The following CDC42EP2 variants were observed in gnomAD, a reference collection of about 807,000 sequenced individuals.
CDC42EP2 encodes the protein CDC42 effector protein (Rho GTPase binding) 2.
Under a neutral mutation model 7.3 loss-of-function variants are expected in CDC42EP2, and 5 were observed. The observed-to-expected ratio is 0.68, with a 90% CI of 0.36 to 1.44. The LOEUF (loss-of-function observed/expected upper bound fraction) is 1.44. Among genes scored for constraint, CDC42EP2 ranks in the 40% most tolerant of loss-of-function variants. CDC42EP2 has a pLI of 0.04. For synonymous variants in CDC42EP2, 113 were observed against 123.6 expected (o/e 0.91, Z 0.57); for missense variants, 251 against 282.6 (o/e 0.89, Z 0.80).
At position 65,321,186 on chromosome 11, in the gene CDC42EP2, C is replaced by A. The variant is rs1949972670; in HGVS notation, c.288C>A (p.Leu96=). 6.2e-7 allele frequency: 1 copy of A among 1,613,964 alleles called. No homozygotes were observed. Among genetic ancestry groups the A allele is most frequent in the South Asian group, 1.1e-5 (1 of 91,068 alleles). ...CCGCCACCGTGTGTGGGCGGGAGCT[C>A]CCGGACGGCCCATCCCCTCTGCTCA... is the stretch of plus-strand genomic sequence containing the variant. ...TRTATVCGRE[L]PDGPSPLLKN... The change falls in exon 2 of 2, where the codon CTC becomes CTA. Residue 96 remains leucine, a synonymous_variant. Coordinates refer to ENST00000279249, the MANE Select transcript of CDC42EP2 (RefSeq NM_006779.4). This position sits in a 1 kb window ranked among gnomAD's most constrained non-coding sequence, Gnocchi z 4.4.
At position 65,320,858 on chromosome 11, in the gene CDC42EP2, C is replaced by G. The variant is rs374784454; in HGVS notation, c.-41C>G. 2 of 1,556,462 alleles carry G rather than the reference C, an allele frequency of 1.3e-6. No homozygotes were observed. Among genetic ancestry groups the G allele is most frequent in the Admixed American group, 1.8e-5 (1 of 56,640 alleles). ...GGAGAGGAGGTGTGGTCTCAGCAGG[C>G]GGCCCGTAGCCTCACAGCCAGGCCT... On this transcript the variant is annotated 5_prime_UTR_variant, in exon 2 of 2. Transcript: ENST00000279249.
intron 1 of CDC42EP2, among the ~76,000 whole-genome samples, chr11:65,319,398 G>A (rs1017920376): frequency 5.3e-5 from 8 of 152,098 alleles, no homozygotes; most frequent in Non-Finnish European, 7.4e-5. Flanking sequence ...AAAGTGCTGC[G>A]ATTACAGGTG....
Position 65,320,871 on chromosome 11 carries a change from C to G in CDC42EP2, c.-28C>G. 1.3e-6 allele frequency: 2 copies of G among 1,574,160 alleles called. No individual in the cohort carries two copies. The highest frequency in any genetic ancestry group is 8.7e-7 in the Non-Finnish European group (1 of 1,154,472). On this transcript the variant is annotated 5_prime_UTR_variant, in exon 2 of 2. Transcript: ENST00000279249. ...GGTCTCAGCAGGCGGCCCGTAGCCT[C>G]ACAGCCAGGCCTGGTGGTGAGGTCA...
intron 1 of CDC42EP2, among the ~76,000 whole-genome samples, chr11:65,318,318 G>A (rs1391933638): frequency 1.3e-5 from 2 of 151,376 alleles, no homozygotes; most frequent in African/African-American, 2.4e-5. Flanking sequence ...GCAGTGGCGC[G>A]ATCTAGGCCC....
chr11:65,319,594 G>A (rs1279407905), intron 1 of CDC42EP2, among the ~76,000 whole-genome samples: 1 of 152,162 alleles, frequency 6.6e-6, no homozygotes, highest in Non-Finnish European at 1.5e-5. Context: ...GCCAGGGTAG[G>A]GAGGAAGGCC....
chr11:65,320,345 C>T (rs1036034508), intron 1 of CDC42EP2, among the ~76,000 whole-genome samples, 199 bp from the exon 2 acceptor site: 1 of 152,080 alleles, frequency 6.6e-6, no homozygotes, highest in African/African-American at 2.4e-5. Context: ...GTGACACGTG[C>T]CTGTAGTCCC....
Position 65,321,553 on chromosome 11 carries a change from G to C in CDC42EP2, c.*22G>C. Reference sequence around the variant, plus strand: ...ATAGGACACGAGGCTGCCTAGGCTGGGGTCCCAGGTGGGGCCCAGCCAGGA... The same window carrying C: ...ATAGGACACGAGGCTGCCTAGGCTGCGGTCCCAGGTGGGGCCCAGCCAGGA... On this transcript the variant is annotated 3_prime_UTR_variant, in exon 2 of 2. Coordinates refer to ENST00000279249, the MANE Select transcript of CDC42EP2 (RefSeq NM_006779.4). The surrounding 1 kb of genome is among the most constrained non-coding windows in gnomAD (Gnocchi z 4.4). 1 of 1,571,644 alleles carries C rather than the reference G, an allele frequency of 6.4e-7. No homozygotes were observed. Among genetic ancestry groups the C allele is most frequent in the Admixed American group, 1.8e-5 (1 of 56,830 alleles).
At position 65,314,935 on chromosome 11, in the gene CDC42EP2, T is replaced by G. The variant is rs1458098538; in HGVS notation, c.-375T>G. ...CCTGAGACCTTGCTGTCCGCCGGTC[T>G]GCCGTCTGCGCGCCTCACGGTGAGT... On this transcript the variant is annotated 5_prime_UTR_variant, in exon 1 of 2. Coordinates refer to ENST00000279249, the MANE Select transcript of CDC42EP2 (RefSeq NM_006779.4). The G allele has an allele frequency of 6.6e-6, 1 of 152,262 alleles. No homozygotes were observed. The highest frequency in any genetic ancestry group is 2.4e-5 in the African/African-American group (1 of 41,438). The allele number at this position is 152,262 out of a possible 1,614,324, so 9.4% of individuals were successfully genotyped here.
intron 1 of CDC42EP2, among the ~76,000 whole-genome samples, chr11:65,319,275 T>C (rs1314655345): frequency 1.3e-5 from 2 of 151,856 alleles, no homozygotes; most frequent in Non-Finnish European, 2.9e-5. Flanking sequence ...ACCACAGGCA[T>C]GAACCACCAC....
intron 1 of CDC42EP2, among the ~76,000 whole-genome samples, chr11:65,319,583 T>C (rs1485265731): frequency 2.6e-5 from 4 of 152,188 alleles, no homozygotes; most frequent in African/African-American, 7.2e-5. Context: ...TCTCTTTAGA[T>C]GCCAGGGTAG....
rs1030741799 is a variant in CDC42EP2, at chr11:65,321,232, G to A, written c.334G>A (p.Val112Ile). 6.2e-7 allele frequency: 1 copy of A among 1,613,900 alleles called. No individual in the cohort carries two copies. The highest frequency in any genetic ancestry group is 8.5e-7 in the Non-Finnish European group (1 of 1,179,974). Residue 112 changes from valine to isoleucine, a missense_variant, in exon 2 of 2, where the codon GTT becomes ATT. Physicochemically the swap from Val to Ile is conservative, Grantham distance 29 (BLOSUM62 3). Coordinates refer to ENST00000279249, the MANE Select transcript of CDC42EP2 (RefSeq NM_006779.4). This position sits in a 1 kb window ranked among gnomAD's most constrained non-coding sequence, Gnocchi z 4.4. ...PLLKNAISLP[V>I]IGGPQALTLP... The stretch of plus-strand genomic sequence containing the variant: ...GCTCAAGAACGCCATCTCCCTCCCG[G>A]TTATCGGTGGACCCCAGGCTCTCAC...
Position 65,321,604 on chromosome 11 carries a change from G to T in CDC42EP2, c.*73G>T, listed in dbSNP as rs556560363. The T allele has an allele frequency of 9.5e-5, 134 of 1,411,756 alleles. No homozygotes were observed. The African/African-American group carries it at 1.8e-3, about 19-fold the overall frequency. 87.5% of individuals were successfully genotyped at this position (1,411,756 alleles called of 1,614,324 possible). A position where few individuals can be genotyped will look rare whatever the true frequency, so the allele number is the denominator to read the frequency against. Reference sequence around the variant, plus strand: ...GGTGGGGTGTGGACCCGGCCCTGGCGGCGGAGTCAGGGTCCCAAGATCCCA... The same window carrying T: ...GGTGGGGTGTGGACCCGGCCCTGGCTGCGGAGTCAGGGTCCCAAGATCCCA... On this transcript the variant is annotated 3_prime_UTR_variant, in exon 2 of 2. Coordinates refer to ENST00000279249, the MANE Select transcript of CDC42EP2 (RefSeq NM_006779.4). This position sits in a 1 kb window ranked among gnomAD's most constrained non-coding sequence, Gnocchi z 4.4.
rs1949979029 is a variant in CDC42EP2, at chr11:65,322,217, G to C, written c.*686G>C. 1 of 166,996 alleles carries C rather than the reference G, an allele frequency of 6.0e-6. No homozygotes were observed. The highest frequency in any genetic ancestry group is 1.5e-5 in the Non-Finnish European group (1 of 68,168). The allele number at this position is 166,996 out of a possible 1,614,324, so 10.3% of individuals were successfully genotyped here. On this transcript the variant is annotated 3_prime_UTR_variant, in exon 2 of 2. Coordinates refer to ENST00000279249, the MANE Select transcript of CDC42EP2 (RefSeq NM_006779.4). Reference sequence around the variant, plus strand: ...TGTGGAGGACAGGCCTTGCCCTCAAGAACGTCGTACCTGACGCTGAGCCTG... The same window carrying C: ...TGTGGAGGACAGGCCTTGCCCTCAACAACGTCGTACCTGACGCTGAGCCTG...
Position 65,315,332 on chromosome 11 carries a change from T to C in CDC42EP2, c.-356+378T>C, listed in dbSNP as rs1442004926. On this transcript the variant is annotated intron_variant, in intron 1 of 1. Transcript: ENST00000279249. This position sits in a 1 kb window ranked among gnomAD's most constrained non-coding sequence, Gnocchi z 4.1. The stretch of plus-strand genomic sequence containing the variant: ...TCTTTAGCTGCGGCCGCGAATGTCC[T>C]GAAACGGATCCGGGCTGGGCTGGGC... Among the ~76,000 whole-genome samples the C allele has an allele frequency of 2.0e-5, 3 of 152,106 alleles. No homozygotes were observed. Among genetic ancestry groups the C allele is most frequent in the Admixed American group, 1.3e-4 (2 of 15,276 alleles).
At chr11:65,316,016 C>G (rs1264155806) in intron 1 of CDC42EP2, among the ~76,000 whole-genome samples, 1 of 152,220 alleles carries the variant, frequency 6.6e-6, no homozygotes, top group Non-Finnish European at 1.5e-5. Context: ...CATTGGCGCT[C>G]TCACCTGCAA....
rs1336185298 is a variant in CDC42EP2, at chr11:65,321,412, C to A, written c.514C>A (p.Pro172Thr). 2 of 1,613,710 alleles carry A rather than the reference C, an allele frequency of 1.2e-6. No homozygotes were observed. Among genetic ancestry groups the A allele is most frequent in the Non-Finnish European group, 8.5e-7 (1 of 1,180,018 alleles). ...GLTPESGAEE[P>T]FLSNASSLLS... is the part of the protein sequence containing the mutation. ...GACCCCGGAGTCAGGGGCCGAGGAG[C>A]CCTTCCTGTCCAATGCCAGCTCCCT... The change falls in exon 2 of 2, where the codon CCC (proline) becomes ACC (threonine). Residue 172 changes from proline to threonine, a missense_variant. By Grantham distance (38) the Pro-to-Thr change is conservative. Coordinates refer to ENST00000279249, the MANE Select transcript of CDC42EP2 (RefSeq NM_006779.4). This position sits in a 1 kb window ranked among gnomAD's most constrained non-coding sequence, Gnocchi z 4.4.
At position 65,315,767 on chromosome 11, in the gene CDC42EP2, G is replaced by A. The variant is rs537312278; in HGVS notation, c.-356+813G>A. 1.2e-4 allele frequency among the ~76,000 whole-genome samples: 19 copies of A among 152,198 alleles called. No individual in the cohort carries two copies. Among genetic ancestry groups the A allele is most frequent in the Non-Finnish European group, 2.8e-4 (19 of 68,032 alleles). ...GCGCCACCTGGCGGCCGCGGAGCCG[G>A]GCACCTCTCCGGAGGCACCGGGACC... On this transcript the variant is annotated intron_variant, in intron 1 of 1. Transcript: ENST00000279249. The surrounding 1 kb of genome is among the most constrained non-coding windows in gnomAD (Gnocchi z 4.1).
intron 1 of CDC42EP2, among the ~76,000 whole-genome samples, chr11:65,316,630 T>TAC (rs1949949177): frequency 6.6e-6 from 1 of 152,186 alleles, no homozygotes; most frequent in Non-Finnish European, 1.5e-5. Context: ...ATCTCTGAGG[T>TAC]TCAGCTTCGA....
In CDC42EP2 at chr11:65,315,113, G is replaced by A. The variant is rs1325232535; in HGVS notation, c.-356+159G>A. Reference sequence around the variant, plus strand: ...CCATGGGGCTTCCCACCCGCATCTGGGTTCCCGCAGCCTCGCCCGTGCCCG... The same window carrying A: ...CCATGGGGCTTCCCACCCGCATCTGAGTTCCCGCAGCCTCGCCCGTGCCCG... On this transcript the variant is annotated intron_variant, in intron 1 of 1. Transcript: ENST00000279249. The surrounding 1 kb of genome is among the most constrained non-coding windows in gnomAD (Gnocchi z 4.1). Among the ~76,000 whole-genome samples the A allele has an allele frequency of 6.6e-6, 1 of 152,050 alleles. No individual in the cohort carries two copies. Among genetic ancestry groups the A allele is most frequent in the African/African-American group, 2.4e-5 (1 of 41,438 alleles).
Sources: gnomAD v4.1 joint callset for allele counts (sites outside exome capture counted in the v4.1 genomes callset) on GRCh38, gnomAD v4.1.1 for gene constraint, Gnocchi (gnomAD v3.1) non-coding constraint, MANE v1.5 for transcripts, NCBI Gene and HGNC (gene_info 2026-07-23, HGNC 2026-07-21) for gene names.